The following SBNO2 variants were observed in gnomAD, a reference collection of about 807,000 sequenced individuals.
The protein encoded by SBNO2 is protein strawberry notch homolog 2.
SBNO2 carries 89 observed loss-of-function variants against 146.3 expected under a neutral mutation model. That is an observed-to-expected ratio of 0.61 (90% CI 0.51 to 0.73). The LOEUF is 0.73. SBNO2 is among the 30% of genes least tolerant of loss of function. The pLI, the probability that SBNO2 is intolerant of heterozygous loss-of-function variation, is 0.00. For synonymous variants in SBNO2, 1,147 were observed against 892.6 expected, an observed-to-expected ratio of 1.29 and a Z score of -5.08; for missense variants, 2,092 against 2,003.7, an observed-to-expected ratio of 1.04 and a Z score of -0.84.
At chr19:1,167,774 G>A (rs1408356646) in intron 1 of SBNO2, among the ~76,000 whole-genome samples, 7 of 152,300 alleles carry the variant, frequency 4.6e-5, no homozygotes, top group Admixed American at 4.6e-4. Context: ...AGTACACAGC[G>A]CCAGGCCATG....
intron 12 of SBNO2, 94 bp from the exon 13 acceptor site, chr19:1,119,715 C>T: frequency 8.6e-7 from 1 of 1,165,700 alleles, no homozygotes; most frequent in Non-Finnish European, 1.2e-6. Flanking sequence ...ACGAGGGGCC[C>T]TGCGGGGTTG....
rs1344296405 is a variant in SBNO2, at chr19:1,119,521, C to A, written c.1368G>T (p.Glu456Asp). ...TGGGTGAGAAGGGCACTCACCTCTT[C>A]TCGATGGCGTGCAGGAACTCCTCAA... ...RNFEEFLHAI[E>D]KRGVGAMEIV... Residue 456 changes from glutamate (E) to aspartate (D), a missense_variant, in exon 13 of 32, where the codon GAG (glutamate) becomes GAT (aspartate). Coordinates refer to ENST00000361757, the MANE Select transcript of SBNO2 (RefSeq NM_014963.3). 6.3e-7 allele frequency: 1 copy of A among 1,597,884 alleles called. No individual in the cohort carries two copies. The highest frequency in any genetic ancestry group is 1.1e-5 in the South Asian group (1 of 89,480).
intron 4 of SBNO2, 130 bp downstream of exon 4, chr19:1,147,179 C>A: frequency 3.2e-6 from 2 of 624,254 alleles, no homozygotes; most frequent in Non-Finnish European, 5.5e-6. Context: ...GTAAACCCTG[C>A]GGCCGAGGGG....
intron 31 of SBNO2, 25 bp from the exon 32 acceptor site, chr19:1,108,729 G>T: frequency 3.2e-6 from 5 of 1,576,474 alleles, no homozygotes; most frequent in East Asian, 2.3e-5. Context: ...TCGGGGTCAG[G>T]GCCGGCGCTG....
At position 1,118,914 on chromosome 19, in the gene SBNO2, C is replaced by T. The variant is rs549473298; in HGVS notation, c.1527+97G>A. ...AACCCCAGGACAGGACAGGGCGGGC[C>T]GTCACCTGATGACGCCTGTGGCATC... On this transcript the variant is annotated intron_variant, in intron 14 of 31. Coordinates refer to ENST00000361757, the MANE Select transcript of SBNO2 (RefSeq NM_014963.3). The T allele has an allele frequency of 8.9e-5, 116 of 1,308,368 alleles. 2 individuals are homozygous for T. In the African/African-American group the frequency reaches 1.3e-3, roughly 15 times the overall value. The allele number at this position is 1,308,368 out of a possible 1,614,324, so 81.0% of individuals were successfully genotyped here.
At chr19:1,137,177 T>C (rs1229700556) in intron 4 of SBNO2, among the ~76,000 whole-genome samples, 18 of 87,906 alleles carry the variant, frequency 2.0e-4, no homozygotes, top group South Asian at 7.7e-4. Context: ...GGGAGAGGCT[T>C]GGGCTGGGGT....
intron 7 of SBNO2, among the ~76,000 whole-genome samples, chr19:1,123,278 C>T (rs1018073904): frequency 3.3e-5 from 5 of 152,004 alleles, no homozygotes; most frequent in Admixed American, 1.3e-4. Context: ...TGGTTGGGGG[C>T]GTGGCCAGCG....
At position 1,157,976 on chromosome 19, in the gene SBNO2, C is replaced by T. The variant is rs868839911; in HGVS notation, c.-126-3574G>A. On this transcript the variant is annotated intron_variant, in intron 1 of 31. Coordinates refer to ENST00000361757, the MANE Select transcript of SBNO2 (RefSeq NM_014963.3). This position sits in a 1 kb window ranked among gnomAD's most constrained non-coding sequence, Gnocchi z 6.8. Reference sequence around the variant, plus strand: ...CCGCCTCCCAGCTCTCTCCTGAGTCCGGATAACTGTCCGCCTCCCAGCTCT... The same window carrying T: ...CCGCCTCCCAGCTCTCTCCTGAGTCTGGATAACTGTCCGCCTCCCAGCTCT... Among the ~76,000 whole-genome samples, 4 of 148,570 alleles carry T rather than the reference C, an allele frequency of 2.7e-5. No homozygotes were observed. The highest frequency in any genetic ancestry group is 6.7e-5 in the Admixed American group (1 of 14,892).
chr19:1,150,054 T>C lies in SBNO2; in HGVS notation c.94-612A>G, dbSNP rs1052611277. ...GCCTGCTTTGGGAAATGGTGACCAG[T>C]GGCCTGGAGGCTCAGCCCGAGGTCA... is the stretch of plus-strand genomic sequence containing the variant. On this transcript the variant is annotated intron_variant, in intron 2 of 31. Transcript: ENST00000361757. The surrounding 1 kb of genome is among the most constrained non-coding windows in gnomAD (Gnocchi z 6.2). 1.3e-5 allele frequency among the ~76,000 whole-genome samples: 2 copies of C among 152,082 alleles called. No homozygotes were observed. The highest frequency in any genetic ancestry group is 4.8e-5 in the African/African-American group (2 of 41,394).
intron 1 of SBNO2, among the ~76,000 whole-genome samples, chr19:1,171,984 G>A (rs1291548120): frequency 2.0e-5 from 3 of 152,156 alleles, no homozygotes; most frequent in African/African-American, 7.2e-5. Flanking sequence ...GAGAGTGAAT[G>A]GATGAGGGAA....
chr19:1,140,231 C>G lies in SBNO2; in HGVS notation c.279+7078G>C, dbSNP rs1047223975. ...GGGAGAATGGCATGAACCCAGGAGG[C>G]GTTGGTTGCAGTGAGCCGAGGTCAC... is the stretch of plus-strand genomic sequence containing the variant. On this transcript the variant is annotated intron_variant, in intron 4 of 31. Transcript: ENST00000361757. The surrounding 1 kb of genome is among the most constrained non-coding windows in gnomAD (Gnocchi z 4.4). Among the ~76,000 whole-genome samples, 5 of 150,518 alleles carry G rather than the reference C, an allele frequency of 3.3e-5. No homozygotes were observed. Among genetic ancestry groups the G allele is most frequent in the Non-Finnish European group, 7.4e-5 (5 of 67,770 alleles).
Position 1,111,577 on chromosome 19 carries a change from A to G in SBNO2, c.2738T>C (p.Ile913Thr). The G allele has an allele frequency of 1.3e-6, 2 of 1,596,900 alleles. No homozygotes were observed. The highest frequency in any genetic ancestry group is 8.5e-7 in the Non-Finnish European group (1 of 1,172,130). Residue 913 changes from isoleucine to threonine, a missense_variant, in exon 24 of 32, where the codon ATC becomes ACC. By Grantham distance (89) the Ile-to-Thr change is moderately conservative. Coordinates refer to ENST00000361757, the MANE Select transcript of SBNO2 (RefSeq NM_014963.3). ...TRALHCVLTT[I>T]LSQTENKVPV... is the part of the protein sequence containing the mutation. ...CACTTTGTTCTCAGTCTGGCTCAGG[A>G]TGGTGGTGAGGACACAGTGCAGGGC...
At chr19:1,142,199 A>G (rs2080146477) in intron 4 of SBNO2, among the ~76,000 whole-genome samples, 3 of 120,564 alleles carry the variant, frequency 2.5e-5, no homozygotes, top group African/African-American at 6.4e-5. Flanking sequence ...CCCTCACTCA[A>G]TGACCTCCCT....
chr19:1,142,456 G>A (rs1040426582), intron 4 of SBNO2, among the ~76,000 whole-genome samples: 2 of 152,230 alleles, frequency 1.3e-5, no homozygotes, highest in Non-Finnish European at 2.9e-5. Context: ...TTACCAGGCG[G>A]ATCGCCTGAG....
At chr19:1,131,922 A>C (rs2080033036) in intron 4 of SBNO2, among the ~76,000 whole-genome samples, 1 of 152,216 alleles carries the variant, frequency 6.6e-6, no homozygotes, top group South Asian at 2.1e-4. Context: ...TCTCACTGCC[A>C]GAAGAGACGG....
chr19:1,139,064 C>T (rs761402068), intron 4 of SBNO2, among the ~76,000 whole-genome samples: 10 of 152,064 alleles, frequency 6.6e-5, no homozygotes, highest in African/African-American at 1.2e-4. Context: ...GGGTCCTCCA[C>T]GCGTCCATCA....
At chr19:1,154,738 C>G (rs1265909073) in intron 1 of SBNO2, among the ~76,000 whole-genome samples, 1 of 152,200 alleles carries the variant, frequency 6.6e-6, no homozygotes, top group Non-Finnish European at 1.5e-5. Flanking sequence ...GGCTGACTCC[C>G]CCACATCTGG....
At chr19:1,134,977 C>T (rs1480500066) in intron 4 of SBNO2, among the ~76,000 whole-genome samples, 2 of 141,244 alleles carry the variant, frequency 1.4e-5, no homozygotes, top group Non-Finnish European at 3.0e-5. Flanking sequence ...ACCCGGGAGG[C>T]AGAGGTTACA....
In SBNO2 at chr19:1,127,719, G is replaced by T; in HGVS notation, c.326C>A (p.Ser109Ter). Residue 109 changes from serine (S) to a stop codon, truncating the protein, a stop_gained, in exon 5 of 32, where the codon TCG becomes TAG. Transcript: ENST00000361757. LOFTEE classifies it high-confidence loss of function. ...GATGTCCGACAGGGAGTCCACGGAC[G>T]AGGAGAAGATGGAGATGTTGGAGAA... Reference protein sequence around the residue: ...EDFSNISIFSSSVDSLSDIVD... With the variant: ...EDFSNISIFS The T allele has an allele frequency of 6.2e-7, 1 of 1,613,626 alleles. No homozygotes were observed. The highest frequency in any genetic ancestry group is 8.5e-7 in the Non-Finnish European group (1 of 1,179,826).
Sources: gnomAD v4.1 joint callset for allele counts (sites outside exome capture counted in the v4.1 genomes callset) on GRCh38, gnomAD v4.1.1 for gene constraint, Gnocchi (gnomAD v3.1) non-coding constraint, MANE v1.5 for transcripts, NCBI Gene and HGNC (gene_info 2026-07-23, HGNC 2026-07-21) for gene names.